Variants in GFPT2 observed in about 807,000 individuals in gnomAD.
The protein encoded by GFPT2 is glutamine--fructose-6-phosphate transaminase 2, also known as glutamine--fructose-6-phosphate aminotransferase [isomerizing] 2.
A neutral mutation model predicts 85.6 loss-of-function variants in GFPT2; 62 were observed. The ratio of observed to expected loss-of-function variants is 0.72; its 90% CI spans 0.59 to 0.90. GFPT2 has a LOEUF of 0.90. Ranked by LOEUF, GFPT2 falls within the 40% of genes least tolerant of loss-of-function variation. The pLI is 0.00. For synonymous variants in GFPT2, 368 were observed against 344.5 expected (o/e 1.07, Z -0.75); for missense variants, 788 against 893.4 (o/e 0.88, Z 1.50).
intron 9 of GFPT2, among the ~76,000 whole-genome samples, chr5:180,321,124 CTT>C (rs1289028980): frequency 6.6e-6 from 1 of 150,790 alleles, no homozygotes; most frequent in African/African-American, 2.5e-5. Flanking sequence ...GTACAAATAA[CTT>C]TGTATGCTTT....
intron 1 of GFPT2, among the ~76,000 whole-genome samples, chr5:180,344,154 G>A (rs1282732851): frequency 6.6e-6 from 1 of 152,212 alleles, no homozygotes; most frequent in African/African-American, 2.4e-5. Flanking sequence ...CTCTTGGAAG[G>A]CAATTTAAAT....
intron 8 of GFPT2, 125 bp downstream of exon 8, chr5:180,324,691 C>A (rs1287240479): frequency 1.1e-5 from 8 of 717,682 alleles, no homozygotes; most frequent in South Asian, 1.1e-4. Context: ...TGGAGCTGTG[C>A]GCCTGTTGGG....
intron 1 of GFPT2, among the ~76,000 whole-genome samples, chr5:180,341,613 T>C (rs1179638592): frequency 5.9e-5 from 9 of 152,218 alleles, no homozygotes. Flanking sequence ...GATTTATATA[T>C]AAAAATATGT....
At chr5:180,307,618 A>G (rs1022433236) in intron 15 of GFPT2, among the ~76,000 whole-genome samples, 2 of 152,168 alleles carry the variant, frequency 1.3e-5, no homozygotes, top group Non-Finnish European at 2.9e-5. Context: ...CTGGAGACAG[A>G]GCTGACACCA....
At chr5:180,307,641 C>T (rs1763806891) in intron 15 of GFPT2, among the ~76,000 whole-genome samples, 1 of 152,156 alleles carries the variant, frequency 6.6e-6, no homozygotes, top group African/African-American at 2.4e-5. Context: ...AGTTAACACC[C>T]CTCTTTCCTG....
intron 13 of GFPT2, 135 bp downstream of exon 13, chr5:180,316,206 G>T: frequency 1.2e-6 from 1 of 832,196 alleles, no homozygotes; most frequent in Non-Finnish European, 1.9e-6. Flanking sequence ...ATGGCTCTAC[G>T]GGTTAAATGA....
chr5:180,317,563 T>G (rs1237037233), intron 10 of GFPT2, among the ~76,000 whole-genome samples: 1 of 150,722 alleles, frequency 6.6e-6, no homozygotes, highest in Non-Finnish European at 1.5e-5. Flanking sequence ...ATCGAGACCA[T>G]CCCGGCTAAA....
chr5:180,317,075 C>T lies in GFPT2; in HGVS notation c.959-17G>A, dbSNP rs765299015. 3 of 1,465,330 alleles carry T rather than the reference C, an allele frequency of 2.0e-6. No individual in the cohort carries two copies. The South Asian group carries it at 3.4e-5, about 17-fold the overall frequency. 90.8% of individuals were successfully genotyped at this position (1,465,330 alleles called of 1,614,324 possible). A position where few individuals can be genotyped will look rare whatever the true frequency, so the allele number is the denominator to read the frequency against. On this transcript the variant is annotated splice_polypyrimidine_tract_variant and intron_variant, in intron 10 of 18. Coordinates refer to ENST00000253778, the MANE Select transcript of GFPT2 (RefSeq NM_005110.4). ...TGAAGTTACCTGGTCAAATAAACGT[C>T]TGGTCAGTTTTAATTTCATTATATT...
chr5:180,349,143 A>G (rs905930702), intron 1 of GFPT2, among the ~76,000 whole-genome samples: 1 of 151,936 alleles, frequency 6.6e-6, no homozygotes, highest in Admixed American at 6.6e-5. Context: ...AGAAAAAAAA[A>G]TCTTAAGAAA....
At chr5:180,313,606 T>TAATA (rs1763941753) in intron 14 of GFPT2, among the ~76,000 whole-genome samples, 1 of 144,302 alleles carries the variant, frequency 6.9e-6, no homozygotes, top group Non-Finnish European at 1.5e-5. Flanking sequence ...AATAAATAAA[T>TAATA]AAAATAAAAA....
At chr5:180,310,763 ACCAGTAGG>A (rs1358866825) in intron 15 of GFPT2, among the ~76,000 whole-genome samples, 1 of 141,896 alleles carries the variant, frequency 7.0e-6, no homozygotes, top group African/African-American at 2.6e-5. Context: ...GGACACAATG[ACCAGTAGG>A]CCTTCTAGTG....
intron 18 of GFPT2, among the ~76,000 whole-genome samples, chr5:180,301,991 A>G (rs1763681215): frequency 6.6e-6 from 1 of 151,384 alleles, no homozygotes; most frequent in African/African-American, 2.4e-5. Context: ...GGAATGGTTC[A>G]TAAGTACGCT....
chr5:180,331,435 A>G, intron 5 of GFPT2, 60 bp downstream of exon 5: 2 of 987,676 alleles, frequency 2.0e-6, no homozygotes, highest in Admixed American at 1.8e-5. Flanking sequence ...AGCTGGCTGG[A>G]AAGTTTCTGG....
At chr5:180,316,514 G>A in intron 12 of GFPT2, 53 bp from the exon 13 acceptor site, 1 of 1,604,276 alleles carries the variant, frequency 6.2e-7, no homozygotes, top group Non-Finnish European at 8.5e-7. Flanking sequence ...GCACGACAGG[G>A]ACATGGGGCA....
At chr5:180,311,683 T>C (rs929351249) in intron 15 of GFPT2, among the ~76,000 whole-genome samples, 1 of 151,426 alleles carries the variant, frequency 6.6e-6, no homozygotes, top group Non-Finnish European at 1.5e-5. Flanking sequence ...GACATGTTAG[T>C]TGGGGGAGAC....
At chr5:180,337,197 G>C (rs569625340) in intron 2 of GFPT2, among the ~76,000 whole-genome samples, 3 of 152,238 alleles carry the variant, frequency 2.0e-5, no homozygotes, top group Non-Finnish European at 4.4e-5. Context: ...GCTCACGCCT[G>C]TAATCCCAGC....
At chr5:180,338,891 T>C (rs892554617) in intron 1 of GFPT2, among the ~76,000 whole-genome samples, 3 of 152,178 alleles carry the variant, frequency 2.0e-5, no homozygotes, top group Non-Finnish European at 2.9e-5. Flanking sequence ...ATGTCCATAA[T>C]AGAAAAGGCA....
Position 180,330,399 on chromosome 5 carries a change from C to A in GFPT2, c.534+301G>T. ...CACACCACCACCAAGCTCACGTGTG[C>A]ATCATAAAAAGCCACGGACTCTAAT... is the stretch of plus-strand genomic sequence containing the variant. On this transcript the variant is annotated intron_variant, in intron 6 of 18. Coordinates refer to ENST00000253778, the MANE Select transcript of GFPT2 (RefSeq NM_005110.4). This position sits in a 1 kb window ranked among gnomAD's most constrained non-coding sequence, Gnocchi z 4.4. 6.6e-6 allele frequency among the ~76,000 whole-genome samples: 1 copy of A among 152,134 alleles called. No individual in the cohort carries two copies. Among genetic ancestry groups the A allele is most frequent in the Admixed American group, 6.5e-5 (1 of 15,280 alleles).
intron 17 of GFPT2, among the ~76,000 whole-genome samples, chr5:180,303,208 C>A (rs1404681644): frequency 1.4e-5 from 2 of 143,800 alleles, no homozygotes; most frequent in African/African-American, 2.6e-5. Flanking sequence ...CCAGCCTGGG[C>A]GACAGAGCCA....
Sources: allele counts gnomAD v4.1 joint callset (sites outside exome capture counted in the v4.1 genomes callset), GRCh38; gene constraint gnomAD v4.1.1; non-coding constraint Gnocchi (gnomAD v3.1); transcripts MANE v1.5; gene names NCBI Gene and HGNC (gene_info 2026-07-23, HGNC 2026-07-21).